Variants in TRAM1 observed in about 807,000 individuals in gnomAD.
TRAM1 encodes translocation associated membrane protein 1, also known as translocating chain-associated membrane protein 1.
TRAM1 carries 17 observed loss-of-function variants against 48.7 expected under a neutral mutation model. The ratio of observed to expected loss-of-function variants is 0.35; its 90% confidence interval spans 0.24 to 0.52. The LOEUF (loss-of-function observed/expected upper bound fraction) is 0.52. TRAM1 is among the 20% of genes least tolerant of loss of function. The probability of loss-of-function intolerance (pLI) is 0.94; values close to 1 mark genes in which losing one functional copy is unlikely to be tolerated. For synonymous variants in TRAM1, 182 were observed against 154.0 expected, an observed-to-expected ratio of 1.18 and a Z score of -1.34; for missense variants, 351 against 441.5, an observed-to-expected ratio of 0.79 and a Z score of 1.84.
chr8:70,597,942 C>T lies in TRAM1; in HGVS notation c.379G>A (p.Ala127Thr). Residue 127 changes from alanine to threonine, a missense_variant, in exon 4 of 11, where the codon GCG becomes ACG. By Grantham distance (58) the Ala-to-Thr change is moderately conservative (BLOSUM62 0). Transcript: ENST00000262213. ...SKFNESGQLS[A>T]FYLFACVWGT... ...CAAACACAGGCAAAAAGGTAGAACG[C>T]ACTAAGCTGACCAGATTCATTAAAC... The T allele has an allele frequency of 6.2e-7, 1 of 1,602,566 alleles. No homozygotes were observed. Among genetic ancestry groups the T allele is most frequent in the Non-Finnish European group, 8.5e-7 (1 of 1,173,196 alleles).
At chr8:70,579,935 T>A (rs915893230) in intron 10 of TRAM1, among the ~76,000 whole-genome samples, 6 of 152,204 alleles carry the variant, frequency 3.9e-5, no homozygotes, top group Admixed American at 1.3e-4. Context: ...AAGACTTTTT[T>A]CAGTACCTGG....
At chr8:70,587,234 T>A in intron 6 of TRAM1, 58 bp from the exon 7 acceptor site, 3 of 1,549,420 alleles carry the variant, frequency 1.9e-6, no homozygotes, top group African/African-American at 1.4e-5. Context: ...TCCCTTTTTT[T>A]AAGAGGTGTG....
In TRAM1 at chr8:70,596,323, TA is replaced by T; in HGVS notation, c.427-3del. 1 of 1,592,076 alleles carries T rather than the reference TA, an allele frequency of 6.3e-7. No homozygotes were observed. The highest frequency in any genetic ancestry group is 1.4e-5 in the African/African-American group (1 of 73,332). ...AGTTGGGTCTGAGATGTAGTTTTCC[TA>T]AGAAAGAAGATATAAAAATTAACCT... On this transcript the variant is annotated splice_polypyrimidine_tract_variant and splice_region_variant and intron_variant, in intron 4 of 10. Transcript: ENST00000262213.
At chr8:70,596,487 G>T (rs1292386078) in intron 4 of TRAM1, among the ~76,000 whole-genome samples, 166 bp from the exon 5 acceptor site, 2 of 152,152 alleles carry the variant, frequency 1.3e-5, no homozygotes, top group Admixed American at 6.5e-5. Flanking sequence ...GCCAATTTGA[G>T]TTGGTTACTT....
chr8:70,599,749 A>T (rs570947265), intron 2 of TRAM1, among the ~76,000 whole-genome samples: 1 of 152,248 alleles, frequency 6.6e-6, no homozygotes, highest in South Asian at 2.1e-4. Context: ...CTTAGGAAAA[A>T]ATCAGAAAGC....
At chr8:70,593,715 A>T (rs111538048) in intron 6 of TRAM1, among the ~76,000 whole-genome samples, 1 of 152,122 alleles carries the variant, frequency 6.6e-6, no homozygotes, top group African/African-American at 2.4e-5. Context: ...ACTAGAGACT[A>T]TCAGTGTGCA....
At chr8:70,577,659 A>G (rs1816986721) in intron 10 of TRAM1, among the ~76,000 whole-genome samples, 1 of 152,240 alleles carries the variant, frequency 6.6e-6, no homozygotes, top group Non-Finnish European at 1.5e-5. Context: ...TGAAAGGGCT[A>G]TAGCACAAAC....
intron 4 of TRAM1, among the ~76,000 whole-genome samples, chr8:70,597,230 T>C (rs1817507598): frequency 6.6e-6 from 1 of 152,228 alleles, no homozygotes; most frequent in Non-Finnish European, 1.5e-5. Context: ...ACTAAAGGTT[T>C]TGATTGCCAT....
At chr8:70,580,941 T>A (rs1817061496) in intron 10 of TRAM1, among the ~76,000 whole-genome samples, 1 of 152,212 alleles carries the variant, frequency 6.6e-6, no homozygotes, top group Non-Finnish European at 1.5e-5. Flanking sequence ...CTGCAAGATG[T>A]ATACACTGAT....
At chr8:70,601,113 C>T (rs1029151300) in intron 1 of TRAM1, among the ~76,000 whole-genome samples, 8 of 152,132 alleles carry the variant, frequency 5.3e-5, no homozygotes, top group African/African-American at 1.9e-4. Context: ...CTCTCTGTGA[C>T]CTGCTAAGTG....
At chr8:70,581,723 T>C (rs1397011018) in intron 10 of TRAM1, among the ~76,000 whole-genome samples, 1 of 152,200 alleles carries the variant, frequency 6.6e-6, no homozygotes, top group Non-Finnish European at 1.5e-5. Flanking sequence ...ATCCATCAAA[T>C]GATGAATGGA....
rs1035846336 is a variant in TRAM1, at chr8:70,574,308, T to G, written c.*624A>C. 1 of 373,218 alleles carries G rather than the reference T, an allele frequency of 2.7e-6. No individual in the cohort carries two copies. The highest frequency in any genetic ancestry group is 4.3e-5 in the Admixed American group (1 of 23,104). 23.1% of individuals were successfully genotyped at this position (373,218 alleles called of 1,614,324 possible). A position where few individuals can be genotyped will look rare whatever the true frequency, so the allele number is the denominator to read the frequency against. ...AATATACTTTGATTTAATATGTATG[T>G]TAGTAAAACTCCACGTGTTGTAACG... On this transcript the variant is annotated 3_prime_UTR_variant, in exon 11 of 11. Coordinates refer to ENST00000262213, the MANE Select transcript of TRAM1 (RefSeq NM_014294.6).
rs996468728 is a variant in TRAM1 at position 70,592,769 on chromosome 8, G to T, written c.570+1737C>A. Among the ~76,000 whole-genome samples, 16 of 152,304 alleles carry T rather than the reference G, an allele frequency of 1.1e-4. No individual in the cohort carries two copies. The Middle Eastern group carries it at 0.017, about 162-fold the overall frequency. On this transcript the variant is annotated intron_variant, in intron 6 of 10. Transcript: ENST00000262213. ...TGCTACTAAGACATCAAGAAACTAT[G>T]ATACTCTCAGTAGCGCTGTCCAATA...
intron 2 of TRAM1, among the ~76,000 whole-genome samples, chr8:70,599,424 T>C (rs1265240525): frequency 2.0e-5 from 3 of 152,188 alleles, no homozygotes; most frequent in African/African-American, 7.2e-5. Context: ...TATATCACTG[T>C]ATTAAATTAC....
rs1816877918 is a variant in TRAM1, at chr8:70,573,865, T to G, written c.*1067A>C. 6.5e-6 allele frequency: 1 copy of G among 152,672 alleles called. No individual in the cohort carries two copies. The highest frequency in any genetic ancestry group is 3.4e-3 in the Middle Eastern group (1 of 296). The allele number at this position is 152,672 out of a possible 1,614,324, so 9.5% of individuals were successfully genotyped here. ...CTTTCTGTAGAGATACAAATATATATATATATATTTATCCAAAAATATGTT... is the reference window on the plus strand; with the variant it reads ...CTTTCTGTAGAGATACAAATATATAGATATATATTTATCCAAAAATATGTT... On this transcript the variant is annotated 3_prime_UTR_variant, in exon 11 of 11. Transcript: ENST00000262213.
Position 70,574,948 on chromosome 8 carries a change from T to C in TRAM1, c.1109A>G (p.Lys370Arg). The C allele has an allele frequency of 6.2e-7, 1 of 1,609,640 alleles. No individual in the cohort carries two copies. Among genetic ancestry groups the C allele is most frequent in the Non-Finnish European group, 8.5e-7 (1 of 1,177,398 alleles). Residue 370 changes from lysine to arginine, a missense_variant, in exon 11 of 11, where the codon AAA becomes AGA. By Grantham distance (26) the Lys-to-Arg change is conservative. Transcript: ENST00000262213. ...SNVADSPRNK[K>R]EKSS is the part of the protein sequence containing the mutation. ...TATAATTCATTATGAAGATTTCTCT[T>C]TTTTATTCCGGGGAGAGTCTGCTAC...
chr8:70,583,886 G>A (rs1817140899), intron 8 of TRAM1, 93 bp from the exon 9 acceptor site: 11 of 1,397,894 alleles, frequency 7.9e-6, no homozygotes, highest in African/African-American at 3.0e-5. Context: ...GGTGGCAGAC[G>A]CCTGTAATCC....
At chr8:70,593,656 G>A (rs374131864) in intron 6 of TRAM1, among the ~76,000 whole-genome samples, 4 of 151,088 alleles carry the variant, frequency 2.6e-5, no homozygotes, top group African/African-American at 9.7e-5. Context: ...TAATTTATCC[G>A]AGGGAAGAGG....
chr8:70,600,156 T>A, intron 1 of TRAM1, 74 bp from the exon 2 acceptor site: 2 of 1,208,924 alleles, frequency 1.7e-6, no homozygotes, highest in Non-Finnish European at 2.4e-6. Context: ...GCAAAAACAT[T>A]ATAAAATCTG....
Sources: gnomAD v4.1 joint callset for allele counts (sites outside exome capture counted in the v4.1 genomes callset) on GRCh38, gnomAD v4.1.1 for gene constraint, MANE v1.5 for transcripts, NCBI Gene and HGNC (gene_info 2026-07-23, HGNC 2026-07-21) for gene names.